Variants in ADCY5 observed in about 807,000 individuals in gnomAD.
ADCY5 encodes the protein adenylate cyclase type 5.
A neutral mutation model predicts 119.7 loss-of-function variants in ADCY5; 30 were observed. The observed-to-expected ratio is 0.25, with a 90% CI of 0.19 to 0.34. The LOEUF is 0.34. Among genes scored for constraint, ADCY5 ranks in the 10% least tolerant of loss-of-function variants. The pLI, the probability that ADCY5 is intolerant of heterozygous loss-of-function variation, is 1.00. For missense variants in ADCY5, 1,324 were observed against 1,775.2 expected (o/e 0.75, Z 4.57); for synonymous variants, 753 against 762.2 (o/e 0.99, Z 0.20).
rs1289925779 is a variant in ADCY5, at chr3:123,284,593, A to G, written c.*15T>C. 6.2e-7 allele frequency: 1 copy of G among 1,614,112 alleles called. No homozygotes were observed. Among genetic ancestry groups the G allele is most frequent in the Admixed American group, 1.7e-5 (1 of 60,020 alleles). ...TCTGGAGGCCAGGCTGCCTGGCACC[A>G]TTGGCCAACAGCTGCTAACTGAGCG... On this transcript the variant is annotated 3_prime_UTR_variant, in exon 21 of 21. Transcript: ENST00000462833.
Position 123,304,082 on chromosome 3 carries a change from C to T in ADCY5, c.2544G>A (p.Ala848=), listed in dbSNP as rs1415408628. 9 of 1,613,210 alleles carry T rather than the reference C, an allele frequency of 5.6e-6. No homozygotes were observed. Among genetic ancestry groups the T allele is most frequent in the South Asian group, 2.2e-5 (2 of 91,046 alleles). ...AGCCACCCACCATGTTGACAAAAGC[C>T]GCCAGGAACACCAGGGTGATGGTGA... ...GVFTITLVFL[A]AFVNMFTCNS... Residue 848 remains alanine, a synonymous_variant, in exon 13 of 21, where the codon GCG becomes GCA. Transcript: ENST00000462833.
intron 1 of ADCY5, among the ~76,000 whole-genome samples, chr3:123,385,345 TGTGA>T (rs1357531370): frequency 2.0e-4 from 30 of 152,200 alleles, no homozygotes; most frequent in African/African-American, 7.2e-4. Context: ...TGTGTGTGGC[TGTGA>T]GTATGTGGGA....
chr3:123,380,840 T>C (rs1419049236), intron 1 of ADCY5, among the ~76,000 whole-genome samples: 2 of 152,162 alleles, frequency 1.3e-5, no homozygotes, highest in African/African-American at 4.8e-5. Flanking sequence ...CCTGTAAGGA[T>C]GGGAGATCCG....
At chr3:123,428,914 G>A (rs142620322) in intron 1 of ADCY5, among the ~76,000 whole-genome samples, 122 of 152,304 alleles carry the variant, frequency 8.0e-4, no homozygotes, top group Middle Eastern at 3.4e-3. Context: ...TTCAGAGTGC[G>A]AGCACTGGAG....
intron 1 of ADCY5, among the ~76,000 whole-genome samples, chr3:123,429,150 T>C (rs1267837018): frequency 6.6e-6 from 1 of 152,222 alleles, no homozygotes; most frequent in Non-Finnish European, 1.5e-5. Context: ...TATTGCCTAT[T>C]ATTTTTAGGC....
intron 12 of ADCY5, among the ~76,000 whole-genome samples, chr3:123,308,238 T>C (rs533944177): frequency 4.7e-4 from 72 of 151,830 alleles, no homozygotes; most frequent in East Asian, 1.4e-3. Context: ...AGGGTTTCAC[T>C]GTGTTAGCCA....
intron 1 of ADCY5, among the ~76,000 whole-genome samples, chr3:123,363,773 G>T (rs1943338695): frequency 6.6e-6 from 1 of 152,162 alleles, no homozygotes; most frequent in African/African-American, 2.4e-5. Context: ...GCCGGGCATG[G>T]TGGCATGCAC....
At position 123,331,009 on chromosome 3, in the gene ADCY5, T is replaced by C; in HGVS notation, c.1526A>G (p.His509Arg). The C allele has an allele frequency of 6.2e-7, 1 of 1,608,388 alleles. No individual in the cohort carries two copies. Among genetic ancestry groups the C allele is most frequent in the Non-Finnish European group, 8.5e-7 (1 of 1,178,100 alleles). ...ARFDKLAAEN[H>R]CLRIKILGDC... is the part of the protein sequence containing the mutation. ...CCCAAGGATCTTAATACGTAAACAG[T>C]GATTCTCCTGGAAAGCAAATTAATT... is the stretch of plus-strand genomic sequence containing the variant. The change falls in exon 5 of 21, where the codon CAC (histidine) becomes CGC (arginine). Residue 509 changes from histidine (H) to arginine (R), a missense_variant. Around this residue, in one of 6 missense-constraint regions of ADCY5, gnomAD observed 123 missense variants for 287.9 expected, o/e 0.43. Transcript: ENST00000462833.
chr3:123,400,444 A>G (rs567774299), intron 1 of ADCY5, among the ~76,000 whole-genome samples: 32 of 152,356 alleles, frequency 2.1e-4, no homozygotes, highest in Non-Finnish European at 4.3e-4. Flanking sequence ...AATAATCCTT[A>G]AAAAGGAAAA....
intron 11 of ADCY5, among the ~76,000 whole-genome samples, chr3:123,317,525 G>A (rs1204741982): frequency 2.0e-5 from 3 of 151,930 alleles, no homozygotes; most frequent in Non-Finnish European, 4.4e-5. Context: ...GCCTGAGCTT[G>A]GGAGTTTGAG....
chr3:123,297,522 A>C, intron 15 of ADCY5, 140 bp from the exon 16 acceptor site: 2 of 940,704 alleles, frequency 2.1e-6, no homozygotes, highest in Non-Finnish European at 3.4e-6. Context: ...CACCCTCCAT[A>C]TCCAACGACA....
intron 1 of ADCY5, among the ~76,000 whole-genome samples, chr3:123,380,311 A>T (rs925548877): frequency 1.2e-4 from 18 of 152,216 alleles, no homozygotes; most frequent in Admixed American, 1.0e-3. Context: ...TCTGCCCTCA[A>T]GTGGATTCCA....
chr3:123,435,640 A>G (rs1945596657), intron 1 of ADCY5, among the ~76,000 whole-genome samples: 1 of 152,076 alleles, frequency 6.6e-6, no homozygotes, highest in Non-Finnish European at 1.5e-5. Context: ...GCCACCTTAT[A>G]ACAGCAGCTT....
At chr3:123,287,384 G>A (rs1487547417) in intron 19 of ADCY5, among the ~76,000 whole-genome samples, 1 of 152,166 alleles carries the variant, frequency 6.6e-6, no homozygotes, top group Non-Finnish European at 1.5e-5. Flanking sequence ...TCGCTGAGCT[G>A]CTTCTCCCTC....
intron 18 of ADCY5, 105 bp from the exon 19 acceptor site, chr3:123,290,059 G>A: frequency 8.9e-7 from 1 of 1,126,034 alleles, no homozygotes; most frequent in Non-Finnish European, 1.3e-6. Flanking sequence ...GGCCCTTCAT[G>A]TGTCCGCTCT....
chr3:123,346,575 C>T (rs1256248851), intron 3 of ADCY5, among the ~76,000 whole-genome samples: 2 of 150,886 alleles, frequency 1.3e-5, no homozygotes, highest in Non-Finnish European at 3.0e-5. Flanking sequence ...GAAAACAGTG[C>T]TTCCCTCACC....
At chr3:123,303,832 GAAAGAAAAGA>G (rs1358841092) in intron 13 of ADCY5, among the ~76,000 whole-genome samples, 4 of 106,992 alleles carry the variant, frequency 3.7e-5, no homozygotes, top group Non-Finnish European at 8.4e-5. Context: ...CTCAAAACTG[GAAAGAAAAGA>G]GAAGAGAAGA....
At chr3:123,427,290 C>A (rs1945434866) in intron 1 of ADCY5, among the ~76,000 whole-genome samples, 1 of 152,200 alleles carries the variant, frequency 6.6e-6, no homozygotes, top group African/African-American at 2.4e-5. Context: ...GGGACCATAT[C>A]TATTTACTCT....
chr3:123,410,875 T>C (rs1945027540), intron 1 of ADCY5, among the ~76,000 whole-genome samples: 1 of 152,184 alleles, frequency 6.6e-6, no homozygotes, highest in Admixed American at 6.5e-5. Flanking sequence ...CTCAATCTCC[T>C]GGCCTCAAGT....
Sources: gnomAD v4.1 joint callset for allele counts (sites outside exome capture counted in the v4.1 genomes callset) on GRCh38, gnomAD v4.1.1 for gene constraint, gnomAD v4.1.1 regional missense constraint, MANE v1.5 for transcripts, NCBI Gene and HGNC (gene_info 2026-07-23, HGNC 2026-07-21) for gene names.